The following KAZN variants were observed in gnomAD, a reference collection of about 807,000 sequenced individuals.
The protein encoded by KAZN is kazrin, periplakin interacting protein.
KAZN carries 40 observed loss-of-function variants against 87.4 expected under a neutral mutation model. The observed-to-expected ratio is 0.46, with a 90% CI of 0.36 to 0.60. KAZN has a LOEUF of 0.60. KAZN is among the 20% of genes least tolerant of loss of function. KAZN has a pLI of 0.00. For missense variants in KAZN, 898 were observed against 1,073.9 expected (o/e 0.84, Z 2.29); for synonymous variants, 466 against 458.3 (o/e 1.02, Z -0.22).
intron 8 of KAZN, among the ~76,000 whole-genome samples, chr1:15,093,811 T>C (rs993901533): frequency 6.6e-6 from 1 of 152,132 alleles, no homozygotes; most frequent in Non-Finnish European, 1.5e-5. Flanking sequence ...TGTGTAGCAG[T>C]TCATCTTATT....
chr1:14,250,405 AT>A (rs1334852414), intron 2 of KAZN, among the ~76,000 whole-genome samples: 3 of 151,920 alleles, frequency 2.0e-5, no homozygotes, highest in African/African-American at 7.2e-5. Context: ...GAGATCCGGG[AT>A]TTTTTTCTTG....
At position 13,994,896 on chromosome 1, in the gene KAZN, A is replaced by C. The variant is rs527557159; in HGVS notation, c.91+101140A>C. On this transcript the variant is annotated intron_variant, in intron 1 of 16. Coordinates refer to the KAZN transcript ENST00000636203. ...TAAACAAACAAACAAACAAACAAACAAACCTTGAAAGTAATTGAGGTTGGA... is the reference window on the plus strand; with the variant it reads ...TAAACAAACAAACAAACAAACAAACCAACCTTGAAAGTAATTGAGGTTGGA... Among the ~76,000 whole-genome samples the C allele has an allele frequency of 5.4e-5, 7 of 128,662 alleles. No homozygotes were observed. The East Asian group carries it at 1.5e-3, about 28-fold the overall frequency. The allele number at this position is 128,662 out of a possible 152,430, so 84.4% of individuals were successfully genotyped here.
chr1:14,044,192 G>A (rs1291217922), intron 1 of KAZN, among the ~76,000 whole-genome samples: 2 of 151,988 alleles, frequency 1.3e-5, no homozygotes, highest in African/African-American at 4.8e-5. Context: ...CCAATACTGT[G>A]TTTCTGTTGG....
intron 2 of KAZN, among the ~76,000 whole-genome samples, chr1:14,364,071 G>A (rs1659756118): frequency 6.6e-6 from 1 of 151,742 alleles, no homozygotes; most frequent in African/African-American, 2.4e-5. Context: ...CATGTGGGAT[G>A]TGGTTTAGGA....
chr1:14,963,737 C>A (rs1022184918), intron 2 of KAZN, among the ~76,000 whole-genome samples: 6 of 152,166 alleles, frequency 3.9e-5, no homozygotes, highest in Non-Finnish European at 8.8e-5. Flanking sequence ...AACTCATCAT[C>A]TAGGTTTTAA....
At chr1:14,810,892 G>T (rs1402168994) in intron 1 of KAZN, among the ~76,000 whole-genome samples, 1 of 152,172 alleles carries the variant, frequency 6.6e-6, no homozygotes, top group Non-Finnish European at 1.5e-5. Flanking sequence ...GTCAGTGCTG[G>T]GGCCTTGGCA....
intron 1 of KAZN, among the ~76,000 whole-genome samples, chr1:14,851,068 G>A (rs762036715): frequency 1.3e-5 from 2 of 152,142 alleles, no homozygotes; most frequent in Non-Finnish European, 2.9e-5. Flanking sequence ...TGCCTTTGTC[G>A]GGTTGGCCCT....
At chr1:14,544,350 CTTT>C (rs374148415) in intron 2 of KAZN, among the ~76,000 whole-genome samples, 3,397 of 98,206 alleles carry the variant, frequency 0.035, 68 homozygotes, top group East Asian at 0.16. Context: ...TTCTTTCTTT[CTTT>C]TTTTTTTTTT....
intron 2 of KAZN, among the ~76,000 whole-genome samples, chr1:14,347,153 T>A (rs1010469646): frequency 1.3e-5 from 2 of 152,220 alleles, no homozygotes; most frequent in African/African-American, 4.8e-5. Flanking sequence ...TTCCCGCTCC[T>A]ATCCCAGCAA....
intron 1 of KAZN, among the ~76,000 whole-genome samples, chr1:14,700,185 C>T (rs987259227): frequency 1.3e-5 from 2 of 152,196 alleles, no homozygotes; most frequent in African/African-American, 4.8e-5. Flanking sequence ...TAGGATGGCA[C>T]TGCCAGCAAT....
At chr1:13,976,277 C>T (rs1488101725) in intron 1 of KAZN, among the ~76,000 whole-genome samples, 1 of 152,116 alleles carries the variant, frequency 6.6e-6, no homozygotes, top group African/African-American at 2.4e-5. Flanking sequence ...AATGGGAAAT[C>T]GACTAATAAA....
intron 2 of KAZN, among the ~76,000 whole-genome samples, chr1:14,332,704 G>A (rs752268135): frequency 1.3e-5 from 2 of 152,074 alleles, no homozygotes; most frequent in Admixed American, 6.6e-5. Context: ...TCTGGGATCT[G>A]CCAGTTTCTA....
intron 2 of KAZN, among the ~76,000 whole-genome samples, chr1:14,417,598 A>C (rs1283220657): frequency 6.6e-6 from 1 of 152,200 alleles, no homozygotes; most frequent in Non-Finnish European, 1.5e-5. Context: ...CCAGAGAAAC[A>C]GGTGGCTACT....
chr1:14,428,150 T>C (rs6429659), intron 2 of KAZN, among the ~76,000 whole-genome samples: 89,572 of 152,080 alleles, frequency 0.59, 27,014 homozygotes, highest in African/African-American at 0.7. Context: ...GAAGAATAAA[T>C]TCATTTGGTG....
intron 2 of KAZN, among the ~76,000 whole-genome samples, chr1:14,436,980 C>T (rs1183321317): frequency 6.6e-6 from 1 of 152,178 alleles, no homozygotes; most frequent in African/African-American, 2.4e-5. Context: ...AGTCCTGTTT[C>T]CCTGCCTGAC....
At chr1:14,582,200 T>A (rs145106048) in intron 2 of KAZN, among the ~76,000 whole-genome samples, 22 of 152,222 alleles carry the variant, frequency 1.4e-4, no homozygotes, top group African/African-American at 5.3e-4. Flanking sequence ...TTCCATGGAA[T>A]CTGTTGACTT....
intron 2 of KAZN, among the ~76,000 whole-genome samples, chr1:14,346,659 C>G (rs1658132242): frequency 6.6e-6 from 1 of 152,064 alleles, no homozygotes; most frequent in South Asian, 2.1e-4. Flanking sequence ...GGATGATTCC[C>G]TTTGCCCAGG....
chr1:14,851,629 TGG>T (rs1428270570), intron 1 of KAZN, among the ~76,000 whole-genome samples: 1 of 152,228 alleles, frequency 6.6e-6, no homozygotes, highest in Non-Finnish European at 1.5e-5. Flanking sequence ...GTTACCATGC[TGG>T]GGCACCTGGC....
intron 1 of KAZN, among the ~76,000 whole-genome samples, chr1:14,120,631 A>G (rs140375749): frequency 1.3e-5 from 2 of 152,168 alleles, no homozygotes; most frequent in African/African-American, 4.8e-5. Flanking sequence ...TTATGGAAGG[A>G]TGCTTCAGTG....
Sources: allele counts gnomAD v4.1 joint callset (sites outside exome capture counted in the v4.1 genomes callset), GRCh38; gene constraint gnomAD v4.1.1; transcripts MANE v1.5; gene names NCBI Gene and HGNC (gene_info 2026-07-23, HGNC 2026-07-21).